The following SMIM10L2A variants were observed in gnomAD, a reference collection of about 807,000 sequenced individuals.
SMIM10L2A encodes small integral membrane protein 10-like protein 2A.
In SMIM10L2A, 2 loss-of-function variants were observed where a neutral mutation model predicts 3.0. That is an observed-to-expected ratio of 0.66 (90% CI 0.27 to 2.08). The LOEUF (loss-of-function observed/expected upper bound fraction) is 2.08. Among genes scored for constraint, SMIM10L2A ranks in the 30% most tolerant of loss-of-function variants. SMIM10L2A has a pLI of 0.14. For synonymous variants in SMIM10L2A, 29 were observed against 34.8 expected (o/e 0.83, Z 0.58); for missense variants, 59 against 66.5 (o/e 0.89, Z 0.39).
chrX:135,422,454 A>C lies in SMIM10L2A; in HGVS notation c.*86A>C, dbSNP rs1215269200. On this transcript the variant is annotated 3_prime_UTR_variant, in exon 1 of 2. Transcript: ENST00000417443. Reference sequence around the variant, plus strand: ...CCGGCCGGGTCGCCGGCATGAAGGAAAGCTGGGCCGCGGCGGGGGGCGGAG... The same window carrying C: ...CCGGCCGGGTCGCCGGCATGAAGGACAGCTGGGCCGCGGCGGGGGGCGGAG... The C allele has an allele frequency of 4.7e-5, 13 of 276,708 alleles. No homozygotes were observed. The highest frequency in any genetic ancestry group is 1.1e-3 in the Middle Eastern group (1 of 937). 22.8% of individuals were successfully genotyped at this position (276,708 alleles called of 1,213,427 possible).
Position 135,422,413 on chromosome X carries a change from G to T in SMIM10L2A, c.*45G>T. 2.6e-6 allele frequency: 1 copy of T among 378,443 alleles called. No individual in the cohort carries two copies. The highest frequency in any genetic ancestry group is 5.0e-5 in the East Asian group (1 of 19,856). 31.2% of individuals were successfully genotyped at this position (378,443 alleles called of 1,213,427 possible). ...CGAAGGCCCGGCTGAAGGGGCGCCC[G>T]TGTCCCCGCCCGCCCCCGGCCGGGT... On this transcript the variant is annotated 3_prime_UTR_variant, in exon 1 of 2. Coordinates refer to ENST00000417443, the MANE Select transcript of SMIM10L2A (RefSeq NM_203306.3).
Position 135,424,804 on chromosome X carries a change from G to A in SMIM10L2A, c.*1534G>A, listed in dbSNP as rs1371934628. 4 of 111,852 alleles carry A rather than the reference G, an allele frequency of 3.6e-5. No individual in the cohort carries two copies. The highest frequency in any genetic ancestry group is 1.3e-4 in the African/African-American group (4 of 30,692). 9.2% of individuals were successfully genotyped at this position (111,852 alleles called of 1,213,427 possible). A position where few individuals can be genotyped will look rare whatever the true frequency, so the allele number is the denominator to read the frequency against. ...TGTCCGCCTGCCTCATGCCAGAAGC[G>A]GCTGGACAGTGGCTGCCTCATGACC... On this transcript the variant is annotated 3_prime_UTR_variant, in exon 2 of 2. Transcript: ENST00000417443.
rs2148517934 is a variant in SMIM10L2A at position 135,422,611 on chromosome X, C to A, written c.*243C>A. On this transcript the variant is annotated 3_prime_UTR_variant, in exon 1 of 2. Transcript: ENST00000417443. ...AACGCACTGAATGGGCCCCTGCCAT[C>A]GGGCTCCAGAAACTACCTGGGCTCG... 2 of 205,714 alleles carry A rather than the reference C, an allele frequency of 9.7e-6. No individual in the cohort carries two copies. Among genetic ancestry groups the A allele is most frequent in the East Asian group, 1.7e-4 (2 of 11,748 alleles). 17.0% of individuals were successfully genotyped at this position (205,714 alleles called of 1,213,427 possible).
In SMIM10L2A at chrX:135,422,404, G is replaced by A; in HGVS notation, c.*36G>A. 2.3e-6 allele frequency: 1 copy of A among 426,339 alleles called. No homozygotes were observed. Among genetic ancestry groups the A allele is most frequent in the Non-Finnish European group, 3.5e-6 (1 of 284,078 alleles). The allele number at this position is 426,339 out of a possible 1,213,427, so 35.1% of individuals were successfully genotyped here. ...CGGCGGCGGCGAAGGCCCGGCTGAAGGGGCGCCCGTGTCCCCGCCCGCCCC... is the reference window on the plus strand; with the variant it reads ...CGGCGGCGGCGAAGGCCCGGCTGAAAGGGCGCCCGTGTCCCCGCCCGCCCC... On this transcript the variant is annotated 3_prime_UTR_variant, in exon 1 of 2. Transcript: ENST00000417443.
chrX:135,424,349 G>A lies in SMIM10L2A; in HGVS notation c.*1079G>A, dbSNP rs1227584282. 1.8e-5 allele frequency: 2 copies of A among 110,857 alleles called. No homozygotes were observed. The highest frequency in any genetic ancestry group is 3.3e-5 in the African/African-American group (1 of 30,334). 9.1% of individuals were successfully genotyped at this position (110,857 alleles called of 1,213,427 possible). ...GCCTCCCAGTTTGGTGGGCAAGTGG[G>A]GGTGATCTTGGTGTTGTGGCTCCTG... On this transcript the variant is annotated 3_prime_UTR_variant, in exon 2 of 2. Coordinates refer to ENST00000417443, the MANE Select transcript of SMIM10L2A (RefSeq NM_203306.3).
In SMIM10L2A at chrX:135,422,091, CG is replaced by C. The variant is rs1233788278; in HGVS notation, c.-38del. On this transcript the variant is annotated 5_prime_UTR_variant, in exon 1 of 2. Transcript: ENST00000417443. ...CACCGCCCTGAGGCTCGCGCTCGAG[CG>C]GGTCAGTCGGTCGGCGGGGCCTGCG... 9.5e-6 allele frequency: 3 copies of C among 315,341 alleles called. No individual in the cohort carries two copies. Among genetic ancestry groups the C allele is most frequent in the Non-Finnish European group, 1.0e-5 (2 of 192,275 alleles). 26.0% of individuals were successfully genotyped at this position (315,341 alleles called of 1,213,427 possible).
rs1556471966 is a variant in SMIM10L2A, at chrX:135,427,182, G to A, written c.*3912G>A. 1 of 112,693 alleles carries A rather than the reference G, an allele frequency of 8.9e-6. No individual in the cohort carries two copies. Among genetic ancestry groups the A allele is most frequent in the Admixed American group, 9.3e-5 (1 of 10,716 alleles). The allele number at this position is 112,693 out of a possible 1,213,427, so 9.3% of individuals were successfully genotyped here. On this transcript the variant is annotated 3_prime_UTR_variant, in exon 2 of 2. Coordinates refer to ENST00000417443, the MANE Select transcript of SMIM10L2A (RefSeq NM_203306.3). Reference sequence around the variant, plus strand: ...CAAGTCTGAAACAGAGCCCCAAGAAGAAGCTCTTTTCCTGAGCTACCAGTG... The same window carrying A: ...CAAGTCTGAAACAGAGCCCCAAGAAAAAGCTCTTTTCCTGAGCTACCAGTG...
At position 135,422,188 on chromosome X, in the gene SMIM10L2A, G is replaced by C; in HGVS notation, c.57G>C (p.Leu19=). ...AAAAAAALSG[L]AVRLSRSAAA... ...CGGCTGCGGCGGCCCTGTCTGGCCT[G>C]GCGGTGCGGCTGTCGCGCTCAGCTG... The change falls in exon 1 of 2, where the codon CTG becomes CTC. Residue 19 remains leucine (L), a synonymous_variant. Transcript: ENST00000417443. The C allele has an allele frequency of 1.1e-6, 1 of 946,795 alleles. No homozygotes were observed. Among genetic ancestry groups the C allele is most frequent in the Non-Finnish European group, 1.4e-6 (1 of 712,684 alleles). 78.0% of individuals were successfully genotyped at this position (946,795 alleles called of 1,213,427 possible).
intron 1 of SMIM10L2A, among the ~76,000 whole-genome samples, chrX:135,423,338 C>T (rs2085139388): frequency 8.9e-6 from 1 of 112,641 alleles, no homozygotes. Context: ...TCCTACCGTC[C>T]CCTCCCCTAG....
intron 1 of SMIM10L2A, among the ~76,000 whole-genome samples, chrX:135,423,059 A>C (rs1173135331): frequency 8.9e-6 from 1 of 111,962 alleles, no homozygotes; most frequent in Non-Finnish European, 1.9e-5. Flanking sequence ...AGGAGCAACG[A>C]TGCCCCCACC....
Position 135,427,821 on chromosome X carries a change from T to TA in SMIM10L2A, c.*4551_*4552insA, listed in dbSNP as rs2085158469. 8.9e-6 allele frequency: 1 copy of TA among 112,117 alleles called. No individual in the cohort carries two copies. Among genetic ancestry groups the TA allele is most frequent in the African/African-American group, 3.2e-5 (1 of 30,825 alleles). 9.2% of individuals were successfully genotyped at this position (112,117 alleles called of 1,213,427 possible). A position where few individuals can be genotyped will look rare whatever the true frequency, so the allele number is the denominator to read the frequency against. ...ATTTTGGTGGGGGTTGGTTTGCTTTTTGTTGTTGTTTTTCCTTGTTTTTAT... is the reference window on the plus strand; with the variant it reads ...ATTTTGGTGGGGGTTGGTTTGCTTTTATGTTGTTGTTTTTCCTTGTTTTTAT... On this transcript the variant is annotated 3_prime_UTR_variant, in exon 2 of 2. Transcript: ENST00000417443.
chrX:135,427,130 T>C lies in SMIM10L2A; in HGVS notation c.*3860T>C, dbSNP rs1215059620. ...CACAACCACCTAACCATTATCCCTGTTTTACAGAGAAACCAAAGACAGGAA... is the reference window on the plus strand; with the variant it reads ...CACAACCACCTAACCATTATCCCTGCTTTACAGAGAAACCAAAGACAGGAA... On this transcript the variant is annotated 3_prime_UTR_variant, in exon 2 of 2. Transcript: ENST00000417443. The C allele has an allele frequency of 8.9e-6, 1 of 112,408 alleles. No homozygotes were observed. Among genetic ancestry groups the C allele is most frequent in the Admixed American group, 9.3e-5 (1 of 10,697 alleles). 9.3% of individuals were successfully genotyped at this position (112,408 alleles called of 1,213,427 possible).
intron 1 of SMIM10L2A, among the ~76,000 whole-genome samples, chrX:135,423,260 C>A (rs782393547): frequency 8.4e-4 from 94 of 112,434 alleles, no homozygotes; most frequent in African/African-American, 2.9e-3. Context: ...CTTATGTTCC[C>A]CTACCCCTAC....
In SMIM10L2A at chrX:135,427,098, A is replaced by T. The variant is rs1556471928; in HGVS notation, c.*3828A>T. ...GGTGCTTTGCATTCCTAATCTCATC[A>T]TTATCACACAACCACCTAACCATTA... On this transcript the variant is annotated 3_prime_UTR_variant, in exon 2 of 2. Coordinates refer to ENST00000417443, the MANE Select transcript of SMIM10L2A (RefSeq NM_203306.3). 8.9e-6 allele frequency: 1 copy of T among 112,581 alleles called. No homozygotes were observed. Among genetic ancestry groups the T allele is most frequent in the East Asian group, 2.8e-4 (1 of 3,574 alleles). The allele number at this position is 112,581 out of a possible 1,213,427, so 9.3% of individuals were successfully genotyped here.
At position 135,422,067 on chromosome X, in the gene SMIM10L2A, A is replaced by G. The variant is rs1330713713; in HGVS notation, c.-65A>G. 2 of 285,378 alleles carry G rather than the reference A, an allele frequency of 7.0e-6. No individual in the cohort carries two copies. The highest frequency in any genetic ancestry group is 6.0e-6 in the Non-Finnish European group (1 of 167,308). The allele number at this position is 285,378 out of a possible 1,213,427, so 23.5% of individuals were successfully genotyped here. Reference sequence around the variant, plus strand: ...CTGGGTGCACTAGTGCTCGGGTCCCACCGCCCTGAGGCTCGCGCTCGAGCG... The same window carrying G: ...CTGGGTGCACTAGTGCTCGGGTCCCGCCGCCCTGAGGCTCGCGCTCGAGCG... On this transcript the variant is annotated 5_prime_UTR_variant, in exon 1 of 2. Transcript: ENST00000417443.
At position 135,422,749 on chromosome X, in the gene SMIM10L2A, G is replaced by T. The variant is rs1569501218; in HGVS notation, c.*362+19G>T. ...CAGAAAGGTAGGAGGCGACAGGTTG[G>T]AATGGGAGAGGGGCGGTGGCTCTGC... On this transcript the variant is annotated intron_variant, in intron 1 of 1. Coordinates refer to ENST00000417443, the MANE Select transcript of SMIM10L2A (RefSeq NM_203306.3). 1 of 117,649 alleles carries T rather than the reference G, an allele frequency of 8.5e-6. No homozygotes were observed. Among genetic ancestry groups the T allele is most frequent in the Non-Finnish European group, 1.8e-5 (1 of 56,386 alleles). 9.7% of individuals were successfully genotyped at this position (117,649 alleles called of 1,213,427 possible). A position where few individuals can be genotyped will look rare whatever the true frequency, so the allele number is the denominator to read the frequency against.
At position 135,422,720 on chromosome X, in the gene SMIM10L2A, G is replaced by C. The variant is rs1240120840; in HGVS notation, c.*352G>C. On this transcript the variant is annotated 3_prime_UTR_variant, in exon 1 of 2. Transcript: ENST00000417443. Reference sequence around the variant, plus strand: ...TGCGGCGACTTGACTTTCCAGGCCCGGAGCAGAAAGGTAGGAGGCGACAGG... The same window carrying C: ...TGCGGCGACTTGACTTTCCAGGCCCCGAGCAGAAAGGTAGGAGGCGACAGG... The C allele has an allele frequency of 4.9e-5, 6 of 122,950 alleles. No individual in the cohort carries two copies. Among genetic ancestry groups the C allele is most frequent in the East Asian group, 2.4e-4 (1 of 4,171 alleles). 10.1% of individuals were successfully genotyped at this position (122,950 alleles called of 1,213,427 possible).
chrX:135,426,635 TTCCC>T lies in SMIM10L2A; in HGVS notation c.*3370_*3373del, dbSNP rs2085153870. ...GAGAAATGGACCCCAGTCCTTGATC[TTCCC>T]TCCCCTTTGTCTAGATGGTCCTCTT... On this transcript the variant is annotated 3_prime_UTR_variant, in exon 2 of 2. Transcript: ENST00000417443. The T allele has an allele frequency of 8.8e-6, 1 of 113,147 alleles. No individual in the cohort carries two copies. Among genetic ancestry groups the T allele is most frequent in the Non-Finnish European group, 1.9e-5 (1 of 53,357 alleles). The allele number at this position is 113,147 out of a possible 1,213,427, so 9.3% of individuals were successfully genotyped here. A position where few individuals can be genotyped will look rare whatever the true frequency, so the allele number is the denominator to read the frequency against.
rs2085158616 is a variant in SMIM10L2A, at chrX:135,427,877, T to A, written c.*4607T>A. ...ATACAGTGACAGATGCCGTTGTGGATAAATGCTGTGGCATAGTCATCAATT... is the reference window on the plus strand; with the variant it reads ...ATACAGTGACAGATGCCGTTGTGGAAAAATGCTGTGGCATAGTCATCAATT... On this transcript the variant is annotated 3_prime_UTR_variant, in exon 2 of 2. Transcript: ENST00000417443. 1 of 111,700 alleles carries A rather than the reference T, an allele frequency of 9.0e-6. No homozygotes were observed. Among genetic ancestry groups the A allele is most frequent in the East Asian group, 2.8e-4 (1 of 3,573 alleles). The allele number at this position is 111,700 out of a possible 1,213,427, so 9.2% of individuals were successfully genotyped here. A position where few individuals can be genotyped will look rare whatever the true frequency, so the allele number is the denominator to read the frequency against.
Sources: gnomAD v4.1 joint callset for allele counts (sites outside exome capture counted in the v4.1 genomes callset) on GRCh38, gnomAD v4.1.1 for gene constraint, MANE v1.5 for transcripts, NCBI Gene and HGNC (gene_info 2026-07-23, HGNC 2026-07-21) for gene names.